The following SRPK1 variants were observed in gnomAD, a reference collection of about 807,000 sequenced individuals.
The protein encoded by SRPK1 is SFRS protein kinase 1.
A neutral mutation model predicts 89.5 loss-of-function variants in SRPK1; 52 were observed. The observed-to-expected ratio is 0.58, with a 90% CI of 0.46 to 0.73. The LOEUF is 0.73. SRPK1 is among the 30% of genes least tolerant of loss of function. The probability of loss-of-function intolerance (pLI) is 0.00; values close to 1 mark genes in which losing one functional copy is unlikely to be tolerated. For synonymous variants in SRPK1, 255 were observed against 270.2 expected (o/e 0.94, Z 0.55); for missense variants, 603 against 780.6 (o/e 0.77, Z 2.71).
intron 12 of SRPK1, among the ~76,000 whole-genome samples, chr6:35,859,203 C>T (rs1276156986): frequency 6.6e-6 from 1 of 151,542 alleles, no homozygotes; most frequent in Admixed American, 6.6e-5. Context: ...CCCCATTTTC[C>T]GGGAGGAAAA....
intron 2 of SRPK1, among the ~76,000 whole-genome samples, chr6:35,898,349 A>G (rs1445307473): frequency 6.6e-6 from 1 of 152,180 alleles, no homozygotes; most frequent in Non-Finnish European, 1.5e-5. Flanking sequence ...ACAGAGTGAT[A>G]TAATGGACTC....
At chr6:35,874,365 AACGGC>A in intron 6 of SRPK1, 26 bp from the exon 7 acceptor site, 3 of 1,524,724 alleles carry the variant, frequency 2.0e-6, no homozygotes, top group Non-Finnish European at 1.8e-6. Context: ...GGAGGGAAAA[AACGGC>A]ACAAAAGAAG....
Position 35,846,932 on chromosome 6 carries a change from G to C in SRPK1, c.1621-4328C>G, listed in dbSNP as rs576585883. 1.3e-3 allele frequency among the ~76,000 whole-genome samples: 195 copies of C among 152,258 alleles called. 1 individual carries two copies. The highest frequency in any genetic ancestry group is 2.5e-3 in the Non-Finnish European group (170 of 68,024). On this transcript the variant is annotated intron_variant, in intron 13 of 15. Transcript: ENST00000373825. Reference sequence around the variant, plus strand: ...GATCATCTTATTAGATGGAGAAAATGCATGTGACAAAATTCAGCATCCTTT... The same window carrying C: ...GATCATCTTATTAGATGGAGAAAATCCATGTGACAAAATTCAGCATCCTTT...
chr6:35,918,859 C>T (rs1055129788), intron 2 of SRPK1, among the ~76,000 whole-genome samples: 1 of 152,160 alleles, frequency 6.6e-6, no homozygotes, highest in Admixed American at 6.5e-5. Flanking sequence ...TATACATTTA[C>T]CCCTCAAATT....
At chr6:35,906,399 A>G (rs1307617567) in intron 2 of SRPK1, among the ~76,000 whole-genome samples, 4 of 152,064 alleles carry the variant, frequency 2.6e-5, no homozygotes, top group Non-Finnish European at 5.9e-5. Flanking sequence ...TGATTTTTGT[A>G]TTTTTAGTAG....
chr6:35,877,726 C>G (rs892050308), intron 6 of SRPK1, among the ~76,000 whole-genome samples: 57 of 151,920 alleles, frequency 3.8e-4, no homozygotes, highest in African/African-American at 1.4e-3. Context: ...GCCTGTAGTC[C>G]CAGCTACTTA....
At chr6:35,914,418 T>C (rs916395035) in intron 2 of SRPK1, among the ~76,000 whole-genome samples, 8 of 152,256 alleles carry the variant, frequency 5.3e-5, no homozygotes, top group African/African-American at 1.9e-4. Flanking sequence ...TAATATTACC[T>C]AGTTCTGGTG....
intron 13 of SRPK1, among the ~76,000 whole-genome samples, chr6:35,845,091 T>C (rs1055697480): frequency 2.0e-5 from 3 of 152,166 alleles, no homozygotes; most frequent in African/African-American, 2.4e-5. Context: ...TTTGACATTA[T>C]GGAGACAATA....
At position 35,836,047 on chromosome 6, in the gene SRPK1, A is replaced by G. The variant is rs9368891; in HGVS notation, c.1784-559T>C. On this transcript the variant is annotated intron_variant, in intron 15 of 15. Transcript: ENST00000373825. ...CTATACCAGGGGTCCCCAACTCTAT[A>G]CCAATACCCCCTATGGTACCAGTCT... Among the ~76,000 whole-genome samples, 146 of 152,212 alleles carry G rather than the reference A, an allele frequency of 9.6e-4. 1 individual carries two copies. In the East Asian group the frequency reaches 0.027, roughly 29 times the overall value.
At chr6:35,835,564 A>AG in intron 15 of SRPK1, 76 bp from the exon 16 acceptor site, 1 of 1,370,406 alleles carries the variant, frequency 7.3e-7, no homozygotes, top group Non-Finnish European at 9.9e-7. Flanking sequence ...GAAACCCACA[A>AG]ACTAACCCAT....
chr6:35,913,534 C>T (rs1450570301), intron 2 of SRPK1, among the ~76,000 whole-genome samples: 1 of 151,988 alleles, frequency 6.6e-6, no homozygotes, highest in Non-Finnish European at 1.5e-5. Context: ...CACAGTGGCT[C>T]ACGCCTGTAA....
At chr6:35,903,269 T>C (rs1770784898) in intron 2 of SRPK1, among the ~76,000 whole-genome samples, 1 of 152,126 alleles carries the variant, frequency 6.6e-6, no homozygotes, top group South Asian at 2.1e-4. Context: ...CCCAGCACTT[T>C]GGGAGGCAGG....
At chr6:35,852,043 G>A (rs1385533823) in intron 13 of SRPK1, among the ~76,000 whole-genome samples, 1 of 152,114 alleles carries the variant, frequency 6.6e-6, no homozygotes, top group Non-Finnish European at 1.5e-5. Flanking sequence ...AGGGCACCCT[G>A]GCTGGTGAAA....
At chr6:35,878,191 T>C (rs1770196725) in intron 6 of SRPK1, among the ~76,000 whole-genome samples, 1 of 152,198 alleles carries the variant, frequency 6.6e-6, no homozygotes, top group African/African-American at 2.4e-5. Flanking sequence ...AGTGCTTAGA[T>C]TCTGGATGTC....
intron 3 of SRPK1, 105 bp from the exon 4 acceptor site, chr6:35,889,028 C>G (rs953269744): frequency 1.5e-6 from 1 of 679,990 alleles, no homozygotes; most frequent in Admixed American, 2.6e-5. Context: ...TACCTTTTAT[C>G]AATAAAAAGT....
intron 6 of SRPK1, among the ~76,000 whole-genome samples, chr6:35,885,175 A>T (rs1397671768): frequency 6.6e-6 from 1 of 151,916 alleles, no homozygotes; most frequent in Non-Finnish European, 1.5e-5. Flanking sequence ...TACAAGATTA[A>T]ATAATAGAAA....
intron 13 of SRPK1, among the ~76,000 whole-genome samples, chr6:35,850,497 T>A (rs961588395): frequency 1.3e-5 from 2 of 152,202 alleles, no homozygotes; most frequent in East Asian, 3.9e-4. Flanking sequence ...AACTCCAGAG[T>A]TCAGTTATTA....
At chr6:35,911,651 G>A (rs1480954015) in intron 2 of SRPK1, among the ~76,000 whole-genome samples, 5 of 151,806 alleles carry the variant, frequency 3.3e-5, no homozygotes, top group African/African-American at 9.7e-5. Context: ...GGCTGGCCTT[G>A]AACTCCTGGG....
chr6:35,904,964 A>G (rs1770819574), intron 2 of SRPK1: 1 of 446,842 alleles, frequency 2.2e-6, no homozygotes, highest in Non-Finnish European at 4.5e-6. Context: ...TAGTACAGCA[A>G]GACTCCATCT....
Sources: allele counts gnomAD v4.1 joint callset (sites outside exome capture counted in the v4.1 genomes callset), GRCh38; gene constraint gnomAD v4.1.1; transcripts MANE v1.5; gene names NCBI Gene and HGNC (gene_info 2026-07-23, HGNC 2026-07-21).